Variants in AVL9 observed in about 807,000 individuals in gnomAD.
The protein encoded by AVL9 is late secretory pathway protein AVL9 homolog.
A neutral mutation model predicts 79.2 loss-of-function variants in AVL9; 49 were observed. The observed-to-expected ratio is 0.62, with a 90% CI of 0.49 to 0.79. AVL9 has a LOEUF of 0.79. AVL9 is among the 30% of genes least tolerant of loss of function. The probability of loss-of-function intolerance (pLI) is 0.00; values close to 1 mark genes in which losing one functional copy is unlikely to be tolerated. For synonymous variants in AVL9, 299 were observed against 280.6 expected (o/e 1.07, Z -0.65); for missense variants, 682 against 776.8 (o/e 0.88, Z 1.45).
At chr7:32,538,627 C>T (rs1209212238) in intron 1 of AVL9, 1 of 152,196 alleles carries the variant, frequency 6.6e-6, no homozygotes, top group Non-Finnish European at 1.5e-5. Flanking sequence ...TCATTCTCCT[C>T]TCCAGAGTTA....
At position 32,584,158 on chromosome 7, in the gene AVL9, G is replaced by A. The variant is rs975885432; in HGVS notation, c.*251G>A. 4.0e-6 allele frequency: 2 copies of A among 504,116 alleles called. No individual in the cohort carries two copies. Among genetic ancestry groups the A allele is most frequent in the Non-Finnish European group, 7.3e-6 (2 of 273,222 alleles). The allele number at this position is 504,116 out of a possible 1,614,324, so 31.2% of individuals were successfully genotyped here. A position where few individuals can be genotyped will look rare whatever the true frequency, so the allele number is the denominator to read the frequency against. ...AGTCTGAGCCTGATTAAAACATACA[G>A]TGAACCTTCTAATGAATTTTGAGTT... On this transcript the variant is annotated 3_prime_UTR_variant, in exon 16 of 16. Transcript: ENST00000318709.
At chr7:32,556,711 T>C (rs1790079810) in intron 8 of AVL9, among the ~76,000 whole-genome samples, 1 of 152,214 alleles carries the variant, frequency 6.6e-6, no homozygotes, top group Admixed American at 6.5e-5. Flanking sequence ...TTCAGTGCTA[T>C]TAAGTACATT....
rs1330508374 is a variant in AVL9 at position 32,543,232 on chromosome 7, T to C, written c.185T>C (p.Leu62Ser). The C allele has an allele frequency of 2.5e-6, 4 of 1,614,086 alleles. No homozygotes were observed. The highest frequency in any genetic ancestry group is 3.4e-6 in the Non-Finnish European group (4 of 1,180,036). Residue 62 changes from leucine (L) to serine (S), a missense_variant, in exon 2 of 16, where the codon TTA (leucine) becomes TCA (serine). Transcript: ENST00000318709. ...EEWKYLPFLA[L>S]PDGAHNYQED... ...TGGAAGTATTTGCCCTTCCTTGCCTTACCAGATGGCGCACACAACTACCAG... is the reference window on the plus strand; with the variant it reads ...TGGAAGTATTTGCCCTTCCTTGCCTCACCAGATGGCGCACACAACTACCAG...
chr7:32,580,282 T>A lies in AVL9; in HGVS notation c.1742+10T>A. The A allele has an allele frequency of 6.2e-7, 1 of 1,600,334 alleles. No homozygotes were observed. The highest frequency in any genetic ancestry group is 1.7e-5 in the Admixed American group (1 of 58,626). On this transcript the variant is annotated intron_variant, in intron 14 of 15. Coordinates refer to ENST00000318709, the MANE Select transcript of AVL9 (RefSeq NM_015060.3). ...AGTTAAGGTTCTCACAGTAAGTACT[T>A]AGAGAAAATACTGGGAAAATTCTTA...
Position 32,585,755 on chromosome 7 carries a change from T to G in AVL9, c.*1848T>G, listed in dbSNP as rs1188471781. 2 of 152,226 alleles carry G rather than the reference T, an allele frequency of 1.3e-5. No individual in the cohort carries two copies. The allele number at this position is 152,226 out of a possible 1,614,324, so 9.4% of individuals were successfully genotyped here. ...ACTCAAGAATTCAGCGATGATAAATTGAAGGGCTGAATGTGAGAACTCCAT... is the reference window on the plus strand; with the variant it reads ...ACTCAAGAATTCAGCGATGATAAATGGAAGGGCTGAATGTGAGAACTCCAT... On this transcript the variant is annotated 3_prime_UTR_variant, in exon 16 of 16. Transcript: ENST00000318709.
intron 1 of AVL9, among the ~76,000 whole-genome samples, chr7:32,519,167 G>T (rs893627030): frequency 6.6e-6 from 1 of 152,140 alleles, no homozygotes; most frequent in Non-Finnish European, 1.5e-5. Context: ...GGTGGCTCAC[G>T]CCTGTAACCC....
rs1789822499 is a variant in AVL9, at chr7:32,551,600, C to G, written c.462+177C>G. Among the ~76,000 whole-genome samples the G allele has an allele frequency of 1.9e-4, 4 of 21,538 alleles. No individual in the cohort carries two copies. The Admixed American group carries it at 2.1e-3, about 11-fold the overall frequency. The allele number at this position is 21,538 out of a possible 152,430, so 14.1% of individuals were successfully genotyped here. On this transcript the variant is annotated intron_variant, in intron 5 of 15. Coordinates refer to ENST00000318709, the MANE Select transcript of AVL9 (RefSeq NM_015060.3). ...GAATCTGCCCAAATACTAAATTTAACCAAACTTTTTTTTTTTTTTTTTTTA... is the reference window on the plus strand; with the variant it reads ...GAATCTGCCCAAATACTAAATTTAAGCAAACTTTTTTTTTTTTTTTTTTTA...
chr7:32,579,428 A>ATATATATAATATATATAT (rs1791283492), intron 13 of AVL9, among the ~76,000 whole-genome samples: 1 of 3,286 alleles, frequency 3.0e-4, no homozygotes, highest in African/African-American at 1.2e-3. Context: ...TATATATATA[A>ATATATATAATATATATAT]TATATATATT....
chr7:32,565,939 CG>C (rs1260468262), intron 10 of AVL9, among the ~76,000 whole-genome samples: 1 of 147,276 alleles, frequency 6.8e-6, no homozygotes, highest in Non-Finnish European at 1.5e-5. Flanking sequence ...ACCCGGGAGG[CG>C]GAGGTTGCAG....
At chr7:32,540,746 G>A (rs1257521043) in intron 1 of AVL9, among the ~76,000 whole-genome samples, 1 of 152,002 alleles carries the variant, frequency 6.6e-6, no homozygotes, top group Non-Finnish European at 1.5e-5. Flanking sequence ...CATTCCTACA[G>A]CCGGCTTCTC....
At chr7:32,557,185 T>C (rs1174891566) in intron 8 of AVL9, among the ~76,000 whole-genome samples, 2 of 152,084 alleles carry the variant, frequency 1.3e-5, no homozygotes, top group Non-Finnish European at 2.9e-5. Context: ...ATGTCCTTTG[T>C]AGCTGATGTT....
intron 1 of AVL9, among the ~76,000 whole-genome samples, chr7:32,505,136 A>G (rs1385273795): frequency 6.6e-6 from 1 of 151,698 alleles, no homozygotes; most frequent in Non-Finnish European, 1.5e-5. Flanking sequence ...GGCTTCCCAA[A>G]GTGCTGGGAT....
At position 32,559,184 on chromosome 7, in the gene AVL9, C is replaced by G; in HGVS notation, c.935C>G (p.Thr312Ser). The G allele has an allele frequency of 6.2e-7, 1 of 1,614,168 alleles. No individual in the cohort carries two copies. The highest frequency in any genetic ancestry group is 1.3e-5 in the African/African-American group (1 of 75,030). Residue 312 changes from threonine to serine, a missense_variant, in exon 10 of 16, where the codon ACC becomes AGC. By Grantham distance (58) the Thr-to-Ser change is moderately conservative. Transcript: ENST00000318709. ...AGCAAAGGGCAGGAACCCAATGATACCAATCAATATTTGAAACCTCCATCT... is the reference window on the plus strand; with the variant it reads ...AGCAAAGGGCAGGAACCCAATGATAGCAATCAATATTTGAAACCTCCATCT... ...DSSKGQEPNDTNQYLKPPSRP... is the reference protein window; with the variant it reads ...DSSKGQEPNDSNQYLKPPSRP...
At position 32,588,717 on chromosome 7, in the gene AVL9, T is replaced by G. The variant is rs1370929984; in HGVS notation, c.*4810T>G. 1.1e-5 allele frequency: 1 copy of G among 88,018 alleles called. No individual in the cohort carries two copies. Among genetic ancestry groups the G allele is most frequent in the Non-Finnish European group, 2.2e-5 (1 of 45,004 alleles). The allele number at this position is 88,018 out of a possible 1,614,324, so 5.5% of individuals were successfully genotyped here. On this transcript the variant is annotated 3_prime_UTR_variant, in exon 16 of 16. Coordinates refer to ENST00000318709, the MANE Select transcript of AVL9 (RefSeq NM_015060.3). ...ATGATCCTGTTCACCCTGCCTACAGTTGGACTTGACCTGTCCTAGAAGTAC... is the reference window on the plus strand; with the variant it reads ...ATGATCCTGTTCACCCTGCCTACAGGTGGACTTGACCTGTCCTAGAAGTAC...
intron 10 of AVL9, among the ~76,000 whole-genome samples, chr7:32,569,804 AT>A (rs796653362): frequency 4.6e-5 from 7 of 152,344 alleles, no homozygotes; most frequent in African/African-American, 1.7e-4. Context: ...AGATTTGACC[AT>A]TCATGGAGAC....
At chr7:32,521,242 G>T (rs1788137293) in intron 1 of AVL9, among the ~76,000 whole-genome samples, 1 of 152,202 alleles carries the variant, frequency 6.6e-6, no homozygotes, top group South Asian at 2.1e-4. Context: ...CTGGGTAACA[G>T]GCAGAGGTTG....
chr7:32,497,650 GT>G (rs1786909160), intron 1 of AVL9, among the ~76,000 whole-genome samples: 1 of 99,818 alleles, frequency 1.0e-5, no homozygotes, highest in Non-Finnish European at 2.2e-5. Context: ...TTGACCATTA[GT>G]TCTTTTTTTT....
At chr7:32,580,160 C>G in intron 13 of AVL9, 59 bp from the exon 14 acceptor site, 1 of 1,340,182 alleles carries the variant, frequency 7.5e-7, no homozygotes, top group South Asian at 1.2e-5. Flanking sequence ...CTTGTGATAA[C>G]TCTTTTTGCA....
chr7:32,534,586 C>T (rs151115911), intron 1 of AVL9: 15 of 152,252 alleles, frequency 9.9e-5, no homozygotes, highest in African/African-American at 3.6e-4. Flanking sequence ...TCTGTTAAGA[C>T]TACCTGGTGA....
Sources: gnomAD v4.1 joint callset for allele counts (sites outside exome capture counted in the v4.1 genomes callset) on GRCh38, gnomAD v4.1.1 for gene constraint, MANE v1.5 for transcripts, NCBI Gene and HGNC (gene_info 2026-07-23, HGNC 2026-07-21) for gene names.